The following WNK1 variants were observed in gnomAD, a reference collection of about 807,000 sequenced individuals.
WNK1 encodes WNK lysine deficient protein kinase 1, also known as serine/threonine-protein kinase WNK1.
WNK1 carries 38 observed loss-of-function variants against 222.8 expected under a neutral mutation model. The observed-to-expected ratio is 0.17, with a 90% CI of 0.13 to 0.22. The LOEUF (loss-of-function observed/expected upper bound fraction) is 0.22. WNK1 is among the 10% of genes least tolerant of loss of function. WNK1 has a pLI of 1.00. For missense variants in WNK1, 2,348 were observed against 2,918.4 expected, an observed-to-expected ratio of 0.80 and a Z score of 4.50; for synonymous variants, 1,090 against 1,092.9, an observed-to-expected ratio of 1.00 and a Z score of 0.05.
chr12:885,413 A>G lies in WNK1; in HGVS notation c.4609A>G (p.Thr1537Ala), dbSNP rs761319041. 6.2e-7 allele frequency: 1 copy of G among 1,613,760 alleles called. No individual in the cohort carries two copies. ...ACTAGATAAGACATCTCATAGCAGT[A>G]CAACTGGATTGGCTTTCTCCCTCTC... ...HSLDKTSHSSTTGLAFSLSAP... is the reference protein window; with the variant it reads ...HSLDKTSHSSATGLAFSLSAP... Residue 1537 changes from threonine to alanine, a missense_variant, in exon 19 of 28, where the codon ACA becomes GCA. By Grantham distance (58) the Thr-to-Ala change is moderately conservative. Transcript: ENST00000315939.
rs1197582355 is a variant in WNK1, at chr12:882,002, C to T, written c.3301C>T (p.His1101Tyr). 1.2e-6 allele frequency: 2 copies of T among 1,614,010 alleles called. No homozygotes were observed. The highest frequency in any genetic ancestry group is 2.7e-5 in the African/African-American group (2 of 74,912). The change falls in exon 14 of 28, where the codon CAT becomes TAT. Residue 1101 changes from histidine (H) to tyrosine (Y), a missense_variant. Around this residue, in one of 13 missense-constraint regions of WNK1, gnomAD observed 547 missense variants for 558.3 expected, o/e 0.98. Transcript: ENST00000315939. ...GRHEGRTTKR[H>Y]YRKSVRSRSR... Reference sequence around the variant, plus strand: ...GCATGAAGGAAGAACTACAAAACGGCATTACCGAAAATCTGTAAGGAGTCG... The same window carrying T: ...GCATGAAGGAAGAACTACAAAACGGTATTACCGAAAATCTGTAAGGAGTCG...
chr12:759,741 G>C lies in WNK1; in HGVS notation c.759+5417G>C, dbSNP rs1940755827. On this transcript the variant is annotated intron_variant, in intron 1 of 27. Transcript: ENST00000315939. ...CTTGTAACATAGTAGTTAAGAACTA[G>C]ATTGCCTGGGCTCAAATCAAGGCTC... is the stretch of plus-strand genomic sequence containing the variant. Among the ~76,000 whole-genome samples the C allele has an allele frequency of 2.0e-5, 3 of 148,010 alleles. 1 individual carries two copies. The highest frequency in any genetic ancestry group is 2.0e-4 in the Admixed American group (3 of 14,930).
In WNK1 at chr12:908,912, G is replaced by C. The variant is rs1955918087; in HGVS notation, c.*120G>C. 1 of 1,154,416 alleles carries C rather than the reference G, an allele frequency of 8.7e-7. No homozygotes were observed. Among genetic ancestry groups the C allele is most frequent in the Non-Finnish European group, 1.2e-6 (1 of 800,212 alleles). 71.5% of individuals were successfully genotyped at this position (1,154,416 alleles called of 1,614,324 possible). A position where few individuals can be genotyped will look rare whatever the true frequency, so the allele number is the denominator to read the frequency against. On this transcript the variant is annotated 3_prime_UTR_variant, in exon 28 of 28. Coordinates refer to ENST00000315939, the MANE Select transcript of WNK1 (RefSeq NM_018979.4). Reference sequence around the variant, plus strand: ...TGCTGCATTTAACTGGTTATTTCTTGCCAGAGGGGAATGTTTTTAATACTG... The same window carrying C: ...TGCTGCATTTAACTGGTTATTTCTTCCCAGAGGGGAATGTTTTTAATACTG...
Position 910,287 on chromosome 12 carries a change from T to TATCATC in WNK1, c.*1498_*1499insATCATC, listed in dbSNP as rs3072752. On this transcript the variant is annotated 3_prime_UTR_variant, in exon 28 of 28. Coordinates refer to ENST00000315939, the MANE Select transcript of WNK1 (RefSeq NM_018979.4). ...TACTACATTTTGTGGAAAGTTAATC[T>TATCATC]ATCTATCTTTCCACATCTGAATTAA... The TATCATC allele has an allele frequency of 5.9e-5, 9 of 151,824 alleles. No homozygotes were observed. The highest frequency in any genetic ancestry group is 2.2e-4 in the African/African-American group (9 of 41,342). The allele number at this position is 151,824 out of a possible 1,614,324, so 9.4% of individuals were successfully genotyped here. A position where few individuals can be genotyped will look rare whatever the true frequency, so the allele number is the denominator to read the frequency against.
At chr12:764,634 C>CA (rs529312629) in intron 1 of WNK1, among the ~76,000 whole-genome samples, 27,019 of 49,986 alleles carry the variant, frequency 0.54, 7,524 homozygotes, top group East Asian at 0.75. Context: ...AACTCCGTCT[C>CA]AAAAAAAAAA....
intron 22 of WNK1, among the ~76,000 whole-genome samples, chr12:891,602 CTT>C (rs71441624): frequency 1.6e-4 from 20 of 125,996 alleles, no homozygotes; most frequent in African/African-American, 4.7e-4. Flanking sequence ...GATTTTTTTT[CTT>C]TTTTTTTTTT....
rs979367822 is a variant in WNK1, at chr12:775,634, C to T, written c.759+21310C>T. Among the ~76,000 whole-genome samples, 18 of 152,058 alleles carry T rather than the reference C, an allele frequency of 1.2e-4. No individual in the cohort carries two copies. The East Asian group carries it at 3.3e-3, about 28-fold the overall frequency. On this transcript the variant is annotated intron_variant, in intron 1 of 27. Coordinates refer to ENST00000315939, the MANE Select transcript of WNK1 (RefSeq NM_018979.4). ...AAGGCTGCAGTGAGCTATGGTCGTG[C>T]CACTCTACTCTAGCCTGGGCAATAG...
chr12:865,154 G>C (rs72649815), intron 8 of WNK1: 3 of 1,533,168 alleles, frequency 2.0e-6, no homozygotes, highest in Non-Finnish European at 2.6e-6. Flanking sequence ...CCATCTTTCT[G>C]CTGTTGCCTC....
intron 8 of WNK1, chr12:865,206 A>G (rs1409564806): frequency 6.5e-7 from 1 of 1,535,654 alleles, no homozygotes; most frequent in East Asian, 2.4e-5. Context: ...CCCCACCGCC[A>G]GTACTGTCTG....
At chr12:868,250 C>T in intron 8 of WNK1, 1 of 1,602,282 alleles carries the variant, frequency 6.2e-7, no homozygotes, top group South Asian at 1.1e-5. Flanking sequence ...AGAAGAAGCT[C>T]ACTATTTTAT....
intron 4 of WNK1, chr12:851,770 T>C: frequency 7.4e-7 from 1 of 1,345,866 alleles, no homozygotes; most frequent in Non-Finnish European, 9.8e-7. Context: ...CTCAAAAGGA[T>C]TGTATAAATG....
chr12:885,998 G>C lies in WNK1; in HGVS notation c.5194G>C (p.Gly1732Arg). ...ALPVTPVVTP[G>R]QVSTPVSTTT... is the part of the protein sequence containing the mutation. Reference sequence around the variant, plus strand: ...GCCAGTTACACCAGTGGTCACACCTGGGCAAGTTTCTACCCCAGTCAGCAC... The same window carrying C: ...GCCAGTTACACCAGTGGTCACACCTCGGCAAGTTTCTACCCCAGTCAGCAC... The change falls in exon 19 of 28, where the codon GGG becomes CGG. Residue 1732 changes from glycine to arginine, a missense_variant. Around this residue, in one of 13 missense-constraint regions of WNK1, gnomAD observed 1,144 missense variants for 1,273.6 expected, o/e 0.90. Transcript: ENST00000315939. 1 of 1,591,768 alleles carries C rather than the reference G, an allele frequency of 6.3e-7. No homozygotes were observed. The highest frequency in any genetic ancestry group is 1.2e-5 in the South Asian group (1 of 86,514).
chr12:861,085 A>G lies in WNK1; in HGVS notation c.1693A>G (p.Ile565Val). 6.2e-7 allele frequency: 1 copy of G among 1,614,076 alleles called. No homozygotes were observed. Among genetic ancestry groups the G allele is most frequent in the Non-Finnish European group, 8.5e-7 (1 of 1,180,000 alleles). ...AKAIKDRVSL[I>V]KRKREQRQLV... The stretch of plus-strand genomic sequence containing the variant: ...AGCTATCAAAGACAGAGTATCATTA[A>G]TTAAGAGGAAACGAGAGCAGCGGCA... Residue 565 changes from isoleucine to valine, a missense_variant, in exon 7 of 28, where the codon ATT becomes GTT. Ile to Val is a conservative substitution (Grantham distance 29, BLOSUM62 3). Coordinates refer to ENST00000315939, the MANE Select transcript of WNK1 (RefSeq NM_018979.4).
intron 1 of WNK1, among the ~76,000 whole-genome samples, chr12:768,970 C>G (rs1001782946): frequency 2.6e-5 from 4 of 151,842 alleles, no homozygotes; most frequent in African/African-American, 9.7e-5. Flanking sequence ...CCACCACACC[C>G]GGCTAATTTT....
Position 884,158 on chromosome 12 carries a change from T to G in WNK1, c.3759T>G (p.Ser1253=). 6.2e-7 allele frequency: 1 copy of G among 1,614,230 alleles called. No individual in the cohort carries two copies. The highest frequency in any genetic ancestry group is 8.5e-7 in the Non-Finnish European group (1 of 1,180,040). The change falls in exon 18 of 28, where the codon TCT becomes TCG. Residue 1253 remains serine (S), a synonymous_variant. Coordinates refer to ENST00000315939, the MANE Select transcript of WNK1 (RefSeq NM_018979.4). The surrounding 1 kb of genome is among the most constrained non-coding windows in gnomAD (Gnocchi z 5.6). Reference sequence around the variant, plus strand: ...GTTCTTTAACTCAAGTTGTTCATTCTGCGGGAAGGCGGTTTATAGTGAGTC... The same window carrying G: ...GTTCTTTAACTCAAGTTGTTCATTCGGCGGGAAGGCGGTTTATAGTGAGTC... ...PTSSLTQVVH[S]AGRRFIVSPV...
At chr12:862,326 C>T in intron 8 of WNK1, 56 bp downstream of exon 8, 1 of 1,579,068 alleles carries the variant, frequency 6.3e-7, no homozygotes, top group Non-Finnish European at 8.7e-7. Context: ...GGATAGTCTG[C>T]TAAATTAAAA....
chr12:868,792 G>A (rs779950627), intron 8 of WNK1: 1 of 1,614,020 alleles, frequency 6.2e-7, no homozygotes, highest in South Asian at 1.1e-5. Context: ...CTGAAGAAAA[G>A]CATAATTACC....
chr12:875,218 C>G (rs1240561849), intron 9 of WNK1, among the ~76,000 whole-genome samples: 1 of 152,110 alleles, frequency 6.6e-6, no homozygotes, highest in Non-Finnish European at 1.5e-5. Flanking sequence ...GTATTGGGGG[C>G]TGGGAGCATA....
intron 1 of WNK1, among the ~76,000 whole-genome samples, chr12:805,805 AAAAC>A (rs1394250237): frequency 1.4e-4 from 21 of 152,322 alleles, no homozygotes; most frequent in African/African-American, 4.6e-4. Context: ...TATGATTCAA[AAAAC>A]AAACTGCCTA....
Sources: gnomAD v4.1 joint callset for allele counts (sites outside exome capture counted in the v4.1 genomes callset) on GRCh38, gnomAD v4.1.1 for gene constraint, gnomAD v4.1.1 regional missense constraint, Gnocchi (gnomAD v3.1) non-coding constraint, MANE v1.5 for transcripts, NCBI Gene and HGNC (gene_info 2026-07-23, HGNC 2026-07-21) for gene names.